The following STK32B variants were observed in gnomAD, a reference collection of about 807,000 sequenced individuals.
STK32B encodes the protein serine/threonine kinase 32B.
In STK32B, 43 loss-of-function variants were observed where a neutral mutation model predicts 52.6. The observed-to-expected ratio is 0.82, with a 90% confidence interval of 0.64 to 1.05. The LOEUF (loss-of-function observed/expected upper bound fraction) is 1.05, where lower values mean the gene tolerates loss of function less well. Ranked by LOEUF, STK32B falls within the 50% of genes least tolerant of loss-of-function variation. The pLI, the probability that STK32B is intolerant of heterozygous loss-of-function variation, is 0.00. For missense variants in STK32B, 621 were observed against 534.6 expected, an observed-to-expected ratio of 1.16 and a Z score of -1.59; for synonymous variants, 238 against 204.3, an observed-to-expected ratio of 1.17 and a Z score of -1.41.
intron 3 of STK32B, among the ~76,000 whole-genome samples, chr4:5,178,873 C>T (rs781622157): frequency 2.6e-5 from 4 of 152,184 alleles, no homozygotes. Flanking sequence ...TTCCAACTTT[C>T]CCACATCTTC....
intron 3 of STK32B, among the ~76,000 whole-genome samples, chr4:5,259,889 T>C (rs1474868170): frequency 1.3e-5 from 2 of 151,528 alleles, no homozygotes; most frequent in East Asian, 3.9e-4. Flanking sequence ...GTCAGGAAGG[T>C]TTACTGGAGA....
At chr4:5,187,853 G>A (rs1191430475) in intron 3 of STK32B, among the ~76,000 whole-genome samples, 1 of 152,154 alleles carries the variant, frequency 6.6e-6, no homozygotes, top group African/African-American at 2.4e-5. Context: ...TAGGCCCAAA[G>A]CTAAGCCTCA....
chr4:5,426,584 G>A (rs986531372), intron 6 of STK32B, among the ~76,000 whole-genome samples: 1 of 147,716 alleles, frequency 6.8e-6, no homozygotes, highest in African/African-American at 2.5e-5. Flanking sequence ...GTGTGCACCT[G>A]TAATCCCACT....
the STK32B span, among the ~76,000 whole-genome samples, chr4:5,035,305 A>G: frequency 6.6e-6 from 1 of 152,240 alleles, no homozygotes; most frequent in Non-Finnish European, 1.5e-5. Context: ...CACATATTAT[A>G]ATGGAAAAAT....
chr4:5,365,346 C>T (rs1722113887), intron 4 of STK32B, among the ~76,000 whole-genome samples: 1 of 152,154 alleles, frequency 6.6e-6, no homozygotes, highest in African/African-American at 2.4e-5. Context: ...CTGTTTGGTG[C>T]ATTTTGCACT....
chr4:5,089,820 A>G (rs1712958923), intron 1 of STK32B, among the ~76,000 whole-genome samples: 1 of 152,168 alleles, frequency 6.6e-6, no homozygotes, highest in Non-Finnish European at 1.5e-5. Context: ...ATTCCCACCA[A>G]CAGTGTAAAA....
intron 2 of STK32B, among the ~76,000 whole-genome samples, chr4:5,154,111 G>GA (rs34719316): frequency 6.6e-6 from 1 of 151,906 alleles, no homozygotes; most frequent in African/African-American, 2.4e-5. Flanking sequence ...CAATGATTGA[G>GA]ACAGTATGTT....
chr4:5,213,890 A>C (rs1723041545), intron 3 of STK32B, among the ~76,000 whole-genome samples: 2 of 152,218 alleles, frequency 1.3e-5, no homozygotes, highest in Non-Finnish European at 2.9e-5. Flanking sequence ...AATTAAATTA[A>C]AGGTAGTGAT....
rs116678694 is a variant in STK32B, at chr4:5,331,125, G to T, written c.261-95G>T. On this transcript the variant is annotated intron_variant, in intron 3 of 11. Transcript: ENST00000282908. ...CAGGCAACTCAGTGCCTCTCTCTGAGCCTCAGTTTGCTCTTCTGTAAAATG... is the reference window on the plus strand; with the variant it reads ...CAGGCAACTCAGTGCCTCTCTCTGATCCTCAGTTTGCTCTTCTGTAAAATG... 8.7e-3 allele frequency: 10,865 copies of T among 1,248,276 alleles called. 72 individuals are homozygous for T. Among genetic ancestry groups the T allele is most frequent in the Non-Finnish European group, 0.01 (9,112 of 904,104 alleles). The allele number at this position is 1,248,276 out of a possible 1,614,324, so 77.3% of individuals were successfully genotyped here. A position where few individuals can be genotyped will look rare whatever the true frequency, so the allele number is the denominator to read the frequency against.
At chr4:5,440,122 T>A (rs1324721793) in intron 6 of STK32B, among the ~76,000 whole-genome samples, 2 of 152,128 alleles carry the variant, frequency 1.3e-5, no homozygotes, top group Non-Finnish European at 2.9e-5. Context: ...TTAAAGTAGT[T>A]TTTTCCAATT....
chr4:5,348,530 A>G (rs1465774292), intron 4 of STK32B, among the ~76,000 whole-genome samples: 1 of 152,152 alleles, frequency 6.6e-6, no homozygotes, highest in African/African-American at 2.4e-5. Context: ...GTGACTGCAC[A>G]TTTTTATGTG....
rs144962775 is a variant in STK32B at position 5,082,926 on chromosome 4, A to G, written c.52+31011A>G. Reference sequence around the variant, plus strand: ...TTCACTTTCCACTTTCCAACTTTCCATTGATTGGTATTTTCCACAAACAAT... The same window carrying G: ...TTCACTTTCCACTTTCCAACTTTCCGTTGATTGGTATTTTCCACAAACAAT... On this transcript the variant is annotated intron_variant, in intron 1 of 11. Coordinates refer to ENST00000282908, the MANE Select transcript of STK32B (RefSeq NM_018401.3). 2.4e-3 allele frequency among the ~76,000 whole-genome samples: 360 copies of G among 152,240 alleles called. 1 individual carries two copies. Among genetic ancestry groups the G allele is most frequent in the African/African-American group, 8.3e-3 (343 of 41,538 alleles).
chr4:5,491,837 T>A (rs1304901366), intron 11 of STK32B, among the ~76,000 whole-genome samples: 1 of 152,192 alleles, frequency 6.6e-6, no homozygotes, highest in Non-Finnish European at 1.5e-5. Context: ...AAATAGGGAA[T>A]CCTTTCCCCA....
intron 1 of STK32B, among the ~76,000 whole-genome samples, chr4:5,121,918 C>G (rs908746718): frequency 2.0e-5 from 3 of 152,336 alleles, no homozygotes; most frequent in African/African-American, 7.2e-5. Context: ...GAGGAGAACA[C>G]AGCCCAGGCC....
At chr4:5,226,133 G>A (rs1176437833) in intron 3 of STK32B, among the ~76,000 whole-genome samples, 1 of 152,202 alleles carries the variant, frequency 6.6e-6, no homozygotes, top group Non-Finnish European at 1.5e-5. Flanking sequence ...TTCTAAATGT[G>A]AAGAAGAAAT....
chr4:5,241,525 G>T (rs58722941), intron 3 of STK32B, among the ~76,000 whole-genome samples: 3 of 151,964 alleles, frequency 2.0e-5, no homozygotes, highest in African/African-American at 7.2e-5. Flanking sequence ...CTATAAGGTC[G>T]TAGGTAGGTC....
chr4:5,074,473 A>G (rs181337174), intron 1 of STK32B, among the ~76,000 whole-genome samples: 134 of 151,810 alleles, frequency 8.8e-4, no homozygotes, highest in African/African-American at 3.0e-3. Context: ...GCTAATTTCA[A>G]CATCTTAGTC....
At chr4:5,148,073 T>C (rs186046917) in intron 2 of STK32B, among the ~76,000 whole-genome samples, 128 of 152,048 alleles carry the variant, frequency 8.4e-4, no homozygotes, top group Middle Eastern at 3.4e-3. Context: ...TTACCTTCTT[T>C]AGTAGATATA....
intron 4 of STK32B, among the ~76,000 whole-genome samples, chr4:5,352,786 G>A (rs1202634944): frequency 1.3e-5 from 2 of 151,760 alleles, no homozygotes; most frequent in African/African-American, 2.4e-5. Context: ...CATCAGTTTC[G>A]ATTCATCAAT....
Sources: gnomAD v4.1 joint callset for allele counts (sites outside exome capture counted in the v4.1 genomes callset) on GRCh38, gnomAD v4.1.1 for gene constraint, MANE v1.5 for transcripts, NCBI Gene and HGNC (gene_info 2026-07-23, HGNC 2026-07-21) for gene names.